The following MYL3 variants were observed in gnomAD, a reference collection of about 807,000 sequenced individuals.
The protein encoded by MYL3 is CMLC1.
In MYL3, 11 loss-of-function variants were observed where a neutral mutation model predicts 21.3. The observed-to-expected ratio is 0.52, with a 90% CI of 0.32 to 0.85. MYL3 has a LOEUF of 0.85. Ranked by LOEUF, MYL3 falls within the 40% of genes least tolerant of loss-of-function variation. MYL3 has a pLI of 0.03. For synonymous variants in MYL3, 88 were observed against 91.6 expected (o/e 0.96, Z 0.22); for missense variants, 206 against 253.3 (o/e 0.81, Z 1.27).
rs1332882809 is a variant in MYL3 at position 46,858,445 on chromosome 3, T to C, written c.498A>G (p.Glu166=). 3 of 1,613,630 alleles carry C rather than the reference T, an allele frequency of 1.9e-6. No homozygotes were observed. Among genetic ancestry groups the C allele is most frequent in the South Asian group, 2.2e-5 (2 of 91,084 alleles). ...CAGCCATCAACTTCTCCACTTCGTC[T>C]TCTGTCAGCCTCTCACCTGGCAGGA... is the stretch of plus-strand genomic sequence containing the variant. ...VLATLGERLT[E]DEVEKLMAGQ... The change falls in exon 5 of 7, where the codon GAA becomes GAG. Residue 166 remains glutamate (E), a synonymous_variant. Coordinates refer to ENST00000292327, the MANE Select transcript of MYL3 (RefSeq NM_000258.3).
In MYL3 at chr3:46,859,573, C is replaced by T. The variant is rs869025485; in HGVS notation, c.383G>A (p.Gly128Asp). 6.2e-7 allele frequency: 1 copy of T among 1,614,224 alleles called. No homozygotes were observed. Among genetic ancestry groups the T allele is most frequent in the Non-Finnish European group, 8.5e-7 (1 of 1,180,046 alleles). ...LQHISKNKDTGTYEDFVEGLR... is the reference protein window; with the variant it reads ...LQHISKNKDTDTYEDFVEGLR... ...CCCCTCCACGAAGTCCTCATAGGTG[C>T]CTGTGTCCTTGTTCTTGGAAATGTG... Residue 128 changes from glycine to aspartate, a missense_variant, in exon 4 of 7, where the codon GGC becomes GAC. Coordinates refer to ENST00000292327, the MANE Select transcript of MYL3 (RefSeq NM_000258.3). The surrounding 1 kb of genome is among the most constrained non-coding windows in gnomAD (Gnocchi z 4.1).
upstream of MYL3, among the ~76,000 whole-genome samples, chr3:46,867,199 G>A (rs974292793): frequency 1.1e-4 from 17 of 151,028 alleles, no homozygotes; most frequent in African/African-American, 3.4e-4. Flanking sequence ...CCCAGACTCC[G>A]GACCCCAGAC....
At chr3:46,878,933 C>T (rs2030391335) in intron 1 of MYL3, among the ~76,000 whole-genome samples, 1 of 152,354 alleles carries the variant, frequency 6.6e-6, no homozygotes, top group Admixed American at 6.5e-5. Flanking sequence ...TTTCAAACCC[C>T]ATTGAAACTA....
Position 46,863,443 on chromosome 3 carries a change from G to A in MYL3, c.-53C>T, listed in dbSNP as rs1319574374. ...TGGAGAGAAGAATGCAGAAAGCAGG[G>A]TAGGTGAGCCGCCTCACCCAGGCCT... On this transcript the variant is annotated 5_prime_UTR_variant, in exon 1 of 7. Coordinates refer to ENST00000292327, the MANE Select transcript of MYL3 (RefSeq NM_000258.3). 2 of 1,603,130 alleles carry A rather than the reference G, an allele frequency of 1.2e-6. No individual in the cohort carries two copies. The highest frequency in any genetic ancestry group is 4.5e-5 in the East Asian group (2 of 44,748).
At chr3:46,873,796 T>C (rs1351243072) in intron 1 of MYL3, among the ~76,000 whole-genome samples, 2 of 152,078 alleles carry the variant, frequency 1.3e-5, no homozygotes, top group South Asian at 2.1e-4. Context: ...AAAAAGATCA[T>C]GACTAGTCCG....
At position 46,858,441 on chromosome 3, in the gene MYL3, CGTCTTCTGTCAGCCTCT is replaced by C; in HGVS notation, c.485_501del (p.Glu162GlyfsTer19). 7 of 1,613,720 alleles carry C rather than the reference CGTCTTCTGTCAGCCTCT, an allele frequency of 4.3e-6. No individual in the cohort carries two copies. The highest frequency in any genetic ancestry group is 5.9e-6 in the Non-Finnish European group (7 of 1,180,010). On this transcript the variant is annotated frameshift_variant, in exon 5 of 7. Coordinates refer to ENST00000292327, the MANE Select transcript of MYL3 (RefSeq NM_000258.3). LOFTEE classifies it high-confidence loss of function. The stretch of plus-strand genomic sequence containing the variant: ...TGCCCAGCCATCAACTTCTCCACTT[CGTCTTCTGTCAGCCTCT>C]CACCTGGCAGGAGTGGGAGGCTGAG...
intron 1 of MYL3, among the ~76,000 whole-genome samples, chr3:46,872,549 T>C (rs1032441119): frequency 1.6e-4 from 23 of 147,122 alleles, no homozygotes; most frequent in African/African-American, 4.5e-4. Flanking sequence ...GAAACCATCA[T>C]TGATTGCGGC....
At position 46,860,839 on chromosome 3, in the gene MYL3, G is replaced by T. The variant is rs1427057356; in HGVS notation, c.158-14C>A. On this transcript the variant is annotated splice_polypyrimidine_tract_variant and intron_variant, in intron 2 of 6. Transcript: ENST00000292327. The surrounding 1 kb of genome is among the most constrained non-coding windows in gnomAD (Gnocchi z 4.6). ...CTTCCTTGAACTCTGCCAGGAGAGG[G>T]CAGTGAGCCACAGACACTCCCAGGG... is the stretch of plus-strand genomic sequence containing the variant. 2 of 1,613,892 alleles carry T rather than the reference G, an allele frequency of 1.2e-6. No homozygotes were observed. Among genetic ancestry groups the T allele is most frequent in the Non-Finnish European group, 1.7e-6 (2 of 1,179,982 alleles).
intron 1 of MYL3, among the ~76,000 whole-genome samples, chr3:46,869,114 C>T (rs1335898738): frequency 3.3e-5 from 5 of 152,156 alleles, no homozygotes; most frequent in Middle Eastern, 3.2e-3. Context: ...GACAGGGGCC[C>T]GGCCCCTCCC....
rs750698483 is a variant in MYL3, at chr3:46,860,843, T to C, written c.158-18A>G. Reference sequence around the variant, plus strand: ...CTTGAACTCTGCCAGGAGAGGGCAGTGAGCCACAGACACTCCCAGGGTCAG... The same window carrying C: ...CTTGAACTCTGCCAGGAGAGGGCAGCGAGCCACAGACACTCCCAGGGTCAG... On this transcript the variant is annotated intron_variant, in intron 2 of 6. Transcript: ENST00000292327. This position sits in a 1 kb window ranked among gnomAD's most constrained non-coding sequence, Gnocchi z 4.6. 27 of 1,613,880 alleles carry C rather than the reference T, an allele frequency of 1.7e-5. No homozygotes were observed. The South Asian group carries it at 3.0e-4, about 18-fold the overall frequency.
chr3:46,858,044 T>G lies in MYL3; in HGVS notation c.*71A>C, dbSNP rs1701947998. On this transcript the variant is annotated 3_prime_UTR_variant, in exon 7 of 7. Transcript: ENST00000292327. ...CCTCCTTCCCACGACTCCAGGCCGC[T>G]GGTGTCAGCATCACACATGGGAGAT... 1 of 690,592 alleles carries G rather than the reference T, an allele frequency of 1.4e-6. No individual in the cohort carries two copies. Among genetic ancestry groups the G allele is most frequent in the African/African-American group, 1.8e-5 (1 of 56,540 alleles). The allele number at this position is 690,592 out of a possible 1,614,324, so 42.8% of individuals were successfully genotyped here. A position where few individuals can be genotyped will look rare whatever the true frequency, so the allele number is the denominator to read the frequency against.
chr3:46,865,168 C>G (rs1229174000), upstream of MYL3, among the ~76,000 whole-genome samples: 1 of 152,192 alleles, frequency 6.6e-6, no homozygotes, highest in Non-Finnish European at 1.5e-5. The surrounding 1 kb of genome is among the most constrained non-coding windows in gnomAD (Gnocchi z 4.3). Context: ...CAGGGAGGGA[C>G]AGCAGTCCAG....
chr3:46,859,445 A>T lies in MYL3; in HGVS notation c.481+30T>A. ...TTTCTCCCAGGATGTCCCTGGAAGG[A>T]GTTGGGGTAGGGGAGGAGGCTGCCC... On this transcript the variant is annotated intron_variant, in intron 4 of 6. Transcript: ENST00000292327. The surrounding 1 kb of genome is among the most constrained non-coding windows in gnomAD (Gnocchi z 4.1). 6 of 1,613,662 alleles carry T rather than the reference A, an allele frequency of 3.7e-6. No individual in the cohort carries two copies. The highest frequency in any genetic ancestry group is 3.4e-4 in the Middle Eastern group (2 of 5,814).
rs996421197 is a variant in MYL3, at chr3:46,879,692, A to G, written c.-218+2382T>C. Among the ~76,000 whole-genome samples the G allele has an allele frequency of 3.3e-5, 5 of 152,152 alleles. No individual in the cohort carries two copies. Among genetic ancestry groups the G allele is most frequent in the African/African-American group, 1.2e-4 (5 of 41,424 alleles). On this transcript the variant is annotated intron_variant, in intron 1 of 3. Transcript: ENST00000431168. This position sits in a 1 kb window ranked among gnomAD's most constrained non-coding sequence, Gnocchi z 4.7. ...AGCCCAGGAGGTCAAGGCTGCTGTG[A>G]GCCATGACCGTGCCACTGCACTCCA... is the stretch of plus-strand genomic sequence containing the variant.
intron 1 of MYL3, among the ~76,000 whole-genome samples, chr3:46,872,338 C>A (rs1245053652): frequency 2.6e-5 from 4 of 152,302 alleles, no homozygotes; most frequent in African/African-American, 7.2e-5. Context: ...AACAGTGAGC[C>A]CATCCATCCA....
intron 1 of MYL3, 80 bp downstream of exon 1, chr3:46,863,182 G>T: frequency 6.2e-7 from 1 of 1,600,922 alleles, no homozygotes; most frequent in South Asian, 1.1e-5. Context: ...TCCAGAGCCT[G>T]ACCTGCCTCT....
chr3:46,868,115 C>T (rs908055386), upstream of MYL3, among the ~76,000 whole-genome samples: 11 of 152,210 alleles, frequency 7.2e-5, no homozygotes, highest in African/African-American at 2.7e-4. Context: ...GACTTCCCAG[C>T]AAAGCCGCTC....
At position 46,858,073 on chromosome 3, in the gene MYL3, A is replaced by ATC. The variant is rs1485030791; in HGVS notation, c.*41_*42insGA. On this transcript the variant is annotated 3_prime_UTR_variant, in exon 7 of 7. Transcript: ENST00000292327. ...GTCAGCATCACACATGGGAGATGAG[A>ATC]CGTCCCTGCACAGCCTTCCCTGGGC... 8.5e-6 allele frequency: 7 copies of ATC among 818,778 alleles called. No individual in the cohort carries two copies. The African/African-American group carries it at 1.0e-4, about 12-fold the overall frequency. 50.7% of individuals were successfully genotyped at this position (818,778 alleles called of 1,614,324 possible). A position where few individuals can be genotyped will look rare whatever the true frequency, so the allele number is the denominator to read the frequency against.
Position 46,861,824 on chromosome 3 carries a change from G to C in MYL3, c.130-837C>G, listed in dbSNP as rs921824937. Among the ~76,000 whole-genome samples, 2 of 152,182 alleles carry C rather than the reference G, an allele frequency of 1.3e-5. No homozygotes were observed. Among genetic ancestry groups the C allele is most frequent in the African/African-American group, 4.8e-5 (2 of 41,440 alleles). ...ACACAAGGGAAAGGAGGTTGGGGGA[G>C]GGGCATGACTGGCGTCTCTCTCATG... On this transcript the variant is annotated intron_variant, in intron 1 of 6. Transcript: ENST00000292327. The surrounding 1 kb of genome is among the most constrained non-coding windows in gnomAD (Gnocchi z 4.2).
Sources: allele counts gnomAD v4.1 joint callset (sites outside exome capture counted in the v4.1 genomes callset), GRCh38; gene constraint gnomAD v4.1.1; non-coding constraint Gnocchi (gnomAD v3.1); transcripts MANE v1.5; gene names NCBI Gene and HGNC (gene_info 2026-07-23, HGNC 2026-07-21).